The following TSHZ2 variants were observed in gnomAD, a reference collection of about 807,000 sequenced individuals.
TSHZ2 encodes teashirt homolog 2.
A neutral mutation model predicts 74.4 loss-of-function variants in TSHZ2; 21 were observed. The observed-to-expected ratio is 0.28, with a 90% confidence interval of 0.20 to 0.41. TSHZ2 has a LOEUF of 0.41. Ranked by LOEUF, TSHZ2 falls within the 10% of genes least tolerant of loss-of-function variation. The pLI, the probability that TSHZ2 is intolerant of heterozygous loss-of-function variation, is 1.00. For synonymous variants in TSHZ2, 540 were observed against 515.3 expected, an observed-to-expected ratio of 1.05 and a Z score of -0.65; for missense variants, 1,244 against 1,293.5, an observed-to-expected ratio of 0.96 and a Z score of 0.59.
At chr20:53,129,299 G>A (rs1568773409) in intron 1 of TSHZ2, among the ~76,000 whole-genome samples, 1 of 151,984 alleles carries the variant, frequency 6.6e-6, no homozygotes, top group African/African-American at 2.4e-5. Context: ...TGGGTACATG[G>A]TAGATATATA....
chr20:53,076,782 G>A (rs1372248910), intron 1 of TSHZ2, among the ~76,000 whole-genome samples: 1 of 152,208 alleles, frequency 6.6e-6, no homozygotes, highest in Non-Finnish European at 1.5e-5. Context: ...ACAACCTGAT[G>A]AAGGACTAGA....
intron 2 of TSHZ2, among the ~76,000 whole-genome samples, chr20:53,364,150 G>T (rs1981170800): frequency 6.6e-6 from 1 of 152,116 alleles, no homozygotes. Flanking sequence ...AAGGTCGAGG[G>T]TTCGACTCCT....
intron 2 of TSHZ2, among the ~76,000 whole-genome samples, chr20:53,325,669 G>GTTGTTTGT (rs11474480): frequency 0.17 from 26,469 of 151,560 alleles, 2,899 homozygotes; most frequent in Non-Finnish European, 0.25. Flanking sequence ...TGCTTTGTTT[G>GTTGTTTGT]TTGTTTGTTT....
At chr20:52,980,160 A>T (rs1981508578) in intron 1 of TSHZ2, among the ~76,000 whole-genome samples, 1 of 152,250 alleles carries the variant, frequency 6.6e-6, no homozygotes, top group Non-Finnish European at 1.5e-5. Flanking sequence ...AACCTCAAGG[A>T]TCTTCGTAAG....
intron 2 of TSHZ2, among the ~76,000 whole-genome samples, chr20:53,378,020 T>C (rs1166322946): frequency 6.6e-6 from 1 of 152,126 alleles, no homozygotes; most frequent in Non-Finnish European, 1.5e-5. Flanking sequence ...CAGCTTTTAC[T>C]CGGTGGTTCT....
intron 1 of TSHZ2, among the ~76,000 whole-genome samples, chr20:53,213,418 G>C (rs1242656859): frequency 2.0e-5 from 3 of 152,208 alleles, no homozygotes; most frequent in African/African-American, 7.2e-5. Context: ...GAGCTAATAG[G>C]AACCACCCAG....
intron 1 of TSHZ2, among the ~76,000 whole-genome samples, chr20:53,237,516 T>G (rs1989968197): frequency 6.6e-6 from 1 of 152,002 alleles, no homozygotes; most frequent in African/African-American, 2.4e-5. Context: ...TGTGTGTGTG[T>G]GTGTGTGTGT....
chr20:53,235,711 C>T (rs1989926907), intron 1 of TSHZ2, among the ~76,000 whole-genome samples: 2 of 152,084 alleles, frequency 1.3e-5, no homozygotes, highest in Non-Finnish European at 2.9e-5. Context: ...CAAATTCTGT[C>T]GCCTGGAAGC....
At chr20:53,425,660 CAACT>C (rs975745719) in intron 2 of TSHZ2, among the ~76,000 whole-genome samples, 1 of 152,148 alleles carries the variant, frequency 6.6e-6, no homozygotes. Context: ...ACCTCCATTG[CAACT>C]ATTGAGCTCT....
intron 1 of TSHZ2, among the ~76,000 whole-genome samples, chr20:53,036,607 TATATA>T (rs540416548): frequency 2.4e-4 from 36 of 148,942 alleles, no homozygotes; most frequent in Non-Finnish European, 4.0e-4. Flanking sequence ...ATGTATATCA[TATATA>T]ATATAGAGAG....
intron 2 of TSHZ2, among the ~76,000 whole-genome samples, chr20:53,368,344 CT>C (rs1981347994): frequency 6.6e-6 from 1 of 152,136 alleles, no homozygotes; most frequent in Non-Finnish European, 1.5e-5. Flanking sequence ...GAAGCTCCCC[CT>C]GTCACCCAGG....
intron 1 of TSHZ2, among the ~76,000 whole-genome samples, chr20:53,191,169 T>C (rs138941708): frequency 6.6e-6 from 1 of 152,280 alleles, no homozygotes; most frequent in Non-Finnish European, 1.5e-5. Context: ...TATATATATA[T>C]GTACAAATCA....
intron 1 of TSHZ2, among the ~76,000 whole-genome samples, chr20:53,056,156 G>A (rs945864558): frequency 1.8e-4 from 28 of 152,104 alleles, no homozygotes; most frequent in Admixed American, 6.6e-5. Flanking sequence ...TTTTGGTTGC[G>A]TGAACTTAAT....
intron 2 of TSHZ2, among the ~76,000 whole-genome samples, chr20:53,356,359 C>A (rs966015496): frequency 1.3e-5 from 2 of 152,112 alleles, no homozygotes; most frequent in South Asian, 2.1e-4. Context: ...TTAACCACTG[C>A]CCTACCCTTG....
intron 1 of TSHZ2, among the ~76,000 whole-genome samples, chr20:52,991,568 G>C (rs1981993696): frequency 6.7e-6 from 1 of 149,402 alleles, no homozygotes; most frequent in Non-Finnish European, 1.5e-5. Flanking sequence ...TGTGTTGTGG[G>C]GAGAGAGAGT....
At chr20:53,409,560 TA>T (rs908107450) in intron 2 of TSHZ2, among the ~76,000 whole-genome samples, 3 of 152,188 alleles carry the variant, frequency 2.0e-5, no homozygotes, top group Non-Finnish European at 4.4e-5. Flanking sequence ...GCTTGAATAT[TA>T]AAAAAATTGA....
At chr20:53,184,585 A>T (rs1424698792) in intron 1 of TSHZ2, among the ~76,000 whole-genome samples, 1 of 152,250 alleles carries the variant, frequency 6.6e-6, no homozygotes, top group Non-Finnish European at 1.5e-5. Context: ...CTTCCAGAAC[A>T]TTCTCTGTGC....
At chr20:53,165,093 G>GTGGATGGATGGA (rs536305001) in intron 1 of TSHZ2, among the ~76,000 whole-genome samples, 38 of 151,948 alleles carry the variant, frequency 2.5e-4, no homozygotes, top group African/African-American at 8.2e-4. Flanking sequence ...GGATGGAAGG[G>GTGGATGGATGGA]TGGATGGATG....
At chr20:53,130,992 G>A (rs766206813) in intron 1 of TSHZ2, among the ~76,000 whole-genome samples, 38 of 152,204 alleles carry the variant, frequency 2.5e-4, no homozygotes, top group Non-Finnish European at 4.3e-4. Context: ...CCTCTGACAC[G>A]TGGATGATAC....
Sources: gnomAD v4.1 joint callset for allele counts (sites outside exome capture counted in the v4.1 genomes callset) on GRCh38, gnomAD v4.1.1 for gene constraint, MANE v1.5 for transcripts, NCBI Gene and HGNC (gene_info 2026-07-23, HGNC 2026-07-21) for gene names.